PTPN11: variants seen among roughly 807,000 people sequenced by gnomAD.
The protein encoded by PTPN11 is protein tyrosine phosphatase non-receptor type 11.
In PTPN11, 6 loss-of-function variants were observed where a neutral mutation model predicts 78.8. The observed-to-expected ratio is 0.08, with a 90% CI of 0.04 to 0.15. PTPN11 has a LOEUF of 0.15. PTPN11 is among the 10% of genes least tolerant of loss of function. The pLI, the probability that PTPN11 is intolerant of heterozygous loss-of-function variation, is 1.00. For missense variants in PTPN11, 386 were observed against 744.8 expected (o/e 0.52, Z 5.61); for synonymous variants, 221 against 263.5 (o/e 0.84, Z 1.56).
chr12:112,472,685 G>A (rs2135894439), intron 6 of PTPN11, among the ~76,000 whole-genome samples: 1 of 152,156 alleles, frequency 6.6e-6, no homozygotes, highest in South Asian at 2.1e-4. Flanking sequence ...GTTTTTGGTA[G>A]AGCTGTGGTT....
At chr12:112,432,643 T>C (rs1355179324) in intron 1 of PTPN11, among the ~76,000 whole-genome samples, 128 of 137,492 alleles carry the variant, frequency 9.3e-4, no homozygotes, top group Non-Finnish European at 7.6e-5. Context: ...CACTCCCATC[T>C]AGATGACAAG....
At chr12:112,494,950 G>A (rs148287932) in intron 13 of PTPN11, among the ~76,000 whole-genome samples, 146 of 152,310 alleles carry the variant, frequency 9.6e-4, no homozygotes, top group African/African-American at 3.1e-3. Context: ...TTCTGAGCAC[G>A]TTTAAAGTAG....
Position 112,427,827 on chromosome 12 carries a change from T to C in PTPN11, c.14+8702T>C, listed in dbSNP as rs186974710. ...ATTGCAGTGATGCAATCATAGCTCA[T>C]TGAAGCCCAAACTCCTGGGCTCAAG... On this transcript the variant is annotated intron_variant, in intron 1 of 15. Coordinates refer to ENST00000351677, the MANE Select transcript of PTPN11 (RefSeq NM_002834.5). 3.7e-3 allele frequency among the ~76,000 whole-genome samples: 562 copies of C among 152,106 alleles called. 1 individual carries two copies. The highest frequency in any genetic ancestry group is 0.013 in the African/African-American group (530 of 41,514).
In PTPN11 at chr12:112,487,834, A is replaced by G. The variant is rs986652592; in HGVS notation, c.1380-609A>G. 1.6e-4 allele frequency among the ~76,000 whole-genome samples: 24 copies of G among 152,072 alleles called. 1 individual carries two copies. The highest frequency in any genetic ancestry group is 1.3e-4 in the Admixed American group (2 of 15,274). ...AGTCTCACTCTGTCACCCAGGCTAG[A>G]GTGCAATTGAGCGATCTTAGCTCAC... On this transcript the variant is annotated intron_variant, in intron 11 of 15. Coordinates refer to ENST00000351677, the MANE Select transcript of PTPN11 (RefSeq NM_002834.5).
intron 6 of PTPN11, among the ~76,000 whole-genome samples, chr12:112,464,760 A>AT (rs1321449302): frequency 6.7e-6 from 1 of 149,002 alleles, no homozygotes; most frequent in African/African-American, 2.5e-5. Context: ...GGGTCTCACT[A>AT]TCTTGCCCAG....
intron 14 of PTPN11, among the ~76,000 whole-genome samples, 160 bp downstream of exon 14, chr12:112,502,416 A>G (rs948562285): frequency 1.3e-5 from 2 of 152,156 alleles, no homozygotes; most frequent in Non-Finnish European, 2.9e-5. Context: ...GGTGATATCT[A>G]TTGATTGTGT....
intron 6 of PTPN11, among the ~76,000 whole-genome samples, chr12:112,456,784 TG>T (rs1295123039): frequency 6.6e-6 from 1 of 151,866 alleles, no homozygotes; most frequent in Non-Finnish European, 1.5e-5. Context: ...TTTGTAGAGA[TG>T]GGGTTTTGCA....
chr12:112,425,391 A>C (rs1012953402), intron 1 of PTPN11, among the ~76,000 whole-genome samples: 39 of 152,110 alleles, frequency 2.6e-4, no homozygotes, highest in African/African-American at 9.4e-4. Flanking sequence ...TTACTATAGG[A>C]TATTAAAATT....
At chr12:112,479,311 CT>C (rs2038558870) in intron 9 of PTPN11, among the ~76,000 whole-genome samples, 1 of 151,760 alleles carries the variant, frequency 6.6e-6, no homozygotes. Flanking sequence ...AGTGAAAGTT[CT>C]TTTTTAGATA....
chr12:112,426,959 TA>T (rs2037625430), intron 1 of PTPN11, among the ~76,000 whole-genome samples: 1 of 152,120 alleles, frequency 6.6e-6, no homozygotes, highest in Non-Finnish European at 1.5e-5. Context: ...TAAATATAGA[TA>T]ATGGCCGGGC....
chr12:112,450,598 C>T, intron 3 of PTPN11, 86 bp downstream of exon 3: 3 of 1,304,120 alleles, frequency 2.3e-6, no homozygotes, highest in Non-Finnish European at 3.3e-6. Context: ...GTATGACTCT[C>T]TGACTCCAAA....
At chr12:112,450,602 C>T (rs2038066790) in intron 3 of PTPN11, 90 bp downstream of exon 3, 2 of 1,251,242 alleles carry the variant, frequency 1.6e-6, no homozygotes, top group East Asian at 4.7e-5. Context: ...GACTCTCTGA[C>T]TCCAAAGGCT....
chr12:112,425,690 C>G (rs188826184), intron 1 of PTPN11, among the ~76,000 whole-genome samples: 1 of 152,194 alleles, frequency 6.6e-6, no homozygotes, highest in East Asian at 1.9e-4. Context: ...TCAAACCCCT[C>G]CCACCCTGAA....
rs1478273705 is a variant in PTPN11, at chr12:112,508,443, A to G, written c.*2651A>G. The G allele has an allele frequency of 6.6e-6, 1 of 152,358 alleles. No individual in the cohort carries two copies. Among genetic ancestry groups the G allele is most frequent in the Non-Finnish European group, 1.5e-5 (1 of 68,056 alleles). The allele number at this position is 152,358 out of a possible 1,614,324, so 9.4% of individuals were successfully genotyped here. A position where few individuals can be genotyped will look rare whatever the true frequency, so the allele number is the denominator to read the frequency against. ...AAAAAGTTGTGGAAAGGAAAGTTCCAAAGAGGTGGTTTCTGAGGAAGTCAG... is the reference window on the plus strand; with the variant it reads ...AAAAAGTTGTGGAAAGGAAAGTTCCGAAGAGGTGGTTTCTGAGGAAGTCAG... On this transcript the variant is annotated 3_prime_UTR_variant, in exon 16 of 16. Coordinates refer to ENST00000351677, the MANE Select transcript of PTPN11 (RefSeq NM_002834.5).
At chr12:112,489,598 T>C (rs2038721203) in intron 13 of PTPN11, among the ~76,000 whole-genome samples, 1 of 152,158 alleles carries the variant, frequency 6.6e-6, no homozygotes, top group Non-Finnish European at 1.5e-5. Context: ...ACTAATTTGG[T>C]CGAGTTGGAA....
chr12:112,502,104 T>C, intron 13 of PTPN11, 40 bp from the exon 14 acceptor site: 1 of 1,498,742 alleles, frequency 6.7e-7, no homozygotes, highest in Non-Finnish European at 9.3e-7. Flanking sequence ...CCCCTTAAAA[T>C]AACCATTGTC....
chr12:112,502,947 A>C (rs2038893601), intron 14 of PTPN11, among the ~76,000 whole-genome samples: 1 of 152,190 alleles, frequency 6.6e-6, no homozygotes, highest in Non-Finnish European at 1.5e-5. Flanking sequence ...AAAGTAAATA[A>C]ATTGACCACT....
intron 1 of PTPN11, among the ~76,000 whole-genome samples, chr12:112,434,296 A>G (rs2037756387): frequency 6.6e-6 from 1 of 151,498 alleles, no homozygotes; most frequent in African/African-American, 2.4e-5. Context: ...CAACAACCAA[A>G]AAAACCCAGC....
chr12:112,453,913 G>A (rs1484075315), intron 4 of PTPN11, among the ~76,000 whole-genome samples: 1 of 151,884 alleles, frequency 6.6e-6, no homozygotes, highest in East Asian at 1.9e-4. Flanking sequence ...CTCTCAAAGT[G>A]TTAGGATTAC....
Sources: allele counts gnomAD v4.1 joint callset (sites outside exome capture counted in the v4.1 genomes callset), GRCh38; gene constraint gnomAD v4.1.1; transcripts MANE v1.5; gene names NCBI Gene and HGNC (gene_info 2026-07-23, HGNC 2026-07-21).